ADARB2: variants seen among roughly 807,000 people sequenced by gnomAD.
ADARB2 encodes adenosine deaminase RNA specific B2 (inactive).
A neutral mutation model predicts 62.2 loss-of-function variants in ADARB2; 25 were observed. That is an observed-to-expected ratio of 0.40 (90% CI 0.29 to 0.56). The LOEUF (loss-of-function observed/expected upper bound fraction) is 0.56. Among genes scored for constraint, ADARB2 ranks in the 20% least tolerant of loss-of-function variants. ADARB2 has a pLI of 0.43. For missense variants in ADARB2, 1,071 were observed against 1,077.4 expected, an observed-to-expected ratio of 0.99 and a Z score of 0.08; for synonymous variants, 572 against 500.8, an observed-to-expected ratio of 1.14 and a Z score of -1.90.
At chr10:1,306,061 C>A (rs1483442447) in intron 3 of ADARB2, among the ~76,000 whole-genome samples, 1 of 152,028 alleles carries the variant, frequency 6.6e-6, no homozygotes, top group Non-Finnish European at 1.5e-5. Context: ...CTGGCCAGTG[C>A]AATTAGGCAG....
intron 3 of ADARB2, among the ~76,000 whole-genome samples, chr10:1,360,751 G>A (rs12240503): frequency 3.6e-4 from 55 of 152,108 alleles, no homozygotes; most frequent in Admixed American, 2.6e-4. Context: ...TGCGCCCTTC[G>A]TCATCCAGTC....
chr10:1,367,158 T>A (rs1052421933), intron 2 of ADARB2, among the ~76,000 whole-genome samples: 2 of 152,216 alleles, frequency 1.3e-5, no homozygotes, highest in Admixed American at 1.3e-4. Context: ...ATCCTGACAT[T>A]GGAGAATGTT....
chr10:1,628,262 A>G (rs1054118109), intron 1 of ADARB2, among the ~76,000 whole-genome samples: 4 of 152,204 alleles, frequency 2.6e-5, no homozygotes, highest in Admixed American at 1.3e-4. Context: ...TCAGTACTTT[A>G]TGATAACAGC....
At chr10:1,434,303 T>G (rs1314292410) in intron 1 of ADARB2, among the ~76,000 whole-genome samples, 1 of 152,216 alleles carries the variant, frequency 6.6e-6, no homozygotes, top group Admixed American at 6.5e-5. Context: ...TCTCACCGCT[T>G]TCTGCGTTTT....
At chr10:1,453,956 A>T (rs1426163429) in intron 1 of ADARB2, among the ~76,000 whole-genome samples, 1 of 152,230 alleles carries the variant, frequency 6.6e-6, no homozygotes, top group Admixed American at 6.5e-5. Context: ...ATTGCCATAT[A>T]GTCAAGCAAT....
At chr10:1,259,319 T>TA (rs1831111527) in intron 4 of ADARB2, among the ~76,000 whole-genome samples, 1 of 151,932 alleles carries the variant, frequency 6.6e-6, no homozygotes, top group Non-Finnish European at 1.5e-5. Flanking sequence ...CTGAAGGAAA[T>TA]AGAGACACAA....
At chr10:1,625,039 A>C (rs1833749597) in intron 1 of ADARB2, among the ~76,000 whole-genome samples, 1 of 152,256 alleles carries the variant, frequency 6.6e-6, no homozygotes, top group African/African-American at 2.4e-5. Flanking sequence ...GTGTTAGCTA[A>C]AGATTTTTCT....
At chr10:1,724,568 C>T (rs942595087) in intron 1 of ADARB2, among the ~76,000 whole-genome samples, 1 of 152,230 alleles carries the variant, frequency 6.6e-6, no homozygotes, top group Non-Finnish European at 1.5e-5. Flanking sequence ...GGGTCCCCGA[C>T]AGAAAGTGAT....
At position 1,728,059 on chromosome 10, in the gene ADARB2, A is replaced by G. The variant is rs540551013; in HGVS notation, c.100+8992T>C. Among the ~76,000 whole-genome samples, 64 of 152,384 alleles carry G rather than the reference A, an allele frequency of 4.2e-4. 1 individual carries two copies. The highest frequency in any genetic ancestry group is 2.1e-4 in the Non-Finnish European group (14 of 68,036). On this transcript the variant is annotated intron_variant, in intron 1 of 9. Transcript: ENST00000381312. Reference sequence around the variant, plus strand: ...CAAAATGCAAGAAAGATGAACTTTAATCAGGCACAGGAAGAGACTTGGAAG... The same window carrying G: ...CAAAATGCAAGAAAGATGAACTTTAGTCAGGCACAGGAAGAGACTTGGAAG...
chr10:1,514,455 T>G (rs1831983227), intron 1 of ADARB2, among the ~76,000 whole-genome samples: 2 of 151,882 alleles, frequency 1.3e-5, no homozygotes, highest in South Asian at 4.2e-4. Flanking sequence ...CTGAGTATGT[T>G]TTTTGATGCC....
At chr10:1,314,443 T>TTCCTCCTCC (rs147004052) in intron 3 of ADARB2, among the ~76,000 whole-genome samples, 33,748 of 150,594 alleles carry the variant, frequency 0.22, 4,538 homozygotes, top group Middle Eastern at 0.36. Context: ...CAGCCAGTCC[T>TTCCTCCTCC]TCCTCCTCCT....
chr10:1,248,029 T>C (rs1012124643), intron 4 of ADARB2, among the ~76,000 whole-genome samples: 2 of 152,152 alleles, frequency 1.3e-5, no homozygotes, highest in Non-Finnish European at 2.9e-5. Flanking sequence ...TGTGTAAAAA[T>C]GTGCCCAAAG....
intron 1 of ADARB2, among the ~76,000 whole-genome samples, chr10:1,656,522 G>C (rs1377930403): frequency 6.8e-6 from 1 of 146,922 alleles, no homozygotes; most frequent in East Asian, 2.0e-4. Flanking sequence ...GAGGGAAAGA[G>C]AGAAAAAGGG....
intron 1 of ADARB2, among the ~76,000 whole-genome samples, chr10:1,629,333 G>A (rs1751973064): frequency 6.6e-6 from 1 of 152,080 alleles, no homozygotes; most frequent in South Asian, 2.1e-4. Flanking sequence ...TTTACTCCTA[G>A]CCATGCTGTC....
intron 1 of ADARB2, among the ~76,000 whole-genome samples, chr10:1,695,029 T>C (rs1382828998): frequency 6.6e-6 from 1 of 152,158 alleles, no homozygotes; most frequent in African/African-American, 2.4e-5. Context: ...CAGGGATGTG[T>C]GGGTCATGGG....
intron 3 of ADARB2, among the ~76,000 whole-genome samples, chr10:1,277,540 C>T (rs578107853): frequency 5.3e-5 from 8 of 152,260 alleles, no homozygotes; most frequent in Non-Finnish European, 8.8e-5. Context: ...TACACCCTCC[C>T]AAGACTAAAC....
At chr10:1,189,613 C>G (rs1836810337) in intron 8 of ADARB2, among the ~76,000 whole-genome samples, 1 of 152,052 alleles carries the variant, frequency 6.6e-6, no homozygotes, top group Non-Finnish European at 1.5e-5. Context: ...ACTCGAGTCC[C>G]AAGGACAGAG....
chr10:1,697,370 G>A (rs1279446343), intron 1 of ADARB2, among the ~76,000 whole-genome samples: 1 of 152,204 alleles, frequency 6.6e-6, no homozygotes, highest in Non-Finnish European at 1.5e-5. Context: ...TCAGATGCCA[G>A]CAAGTCAGTA....
At chr10:1,613,802 A>G (rs1339703949) in intron 1 of ADARB2, among the ~76,000 whole-genome samples, 1 of 152,256 alleles carries the variant, frequency 6.6e-6, no homozygotes, top group African/African-American at 2.4e-5. Context: ...GTGAGCCGAA[A>G]GCCCGCAGCT....
Sources: allele counts gnomAD v4.1 joint callset (sites outside exome capture counted in the v4.1 genomes callset), GRCh38; gene constraint gnomAD v4.1.1; transcripts MANE v1.5; gene names NCBI Gene and HGNC (gene_info 2026-07-23, HGNC 2026-07-21).